The following NPHP3 variants were observed in gnomAD, a reference collection of about 807,000 sequenced individuals.
The protein encoded by NPHP3 is nephrocystin 3.
Under a neutral mutation model 171.9 loss-of-function variants are expected in NPHP3, and 123 were observed. That is an observed-to-expected ratio of 0.72 (90% CI 0.62 to 0.83). The LOEUF is 0.83. Among genes scored for constraint, NPHP3 ranks in the 40% least tolerant of loss-of-function variants. The pLI is 0.00. For missense variants in NPHP3, 1,506 were observed against 1,591.9 expected, an observed-to-expected ratio of 0.95 and a Z score of 0.92; for synonymous variants, 558 against 579.2, an observed-to-expected ratio of 0.96 and a Z score of 0.52.
intron 7 of NPHP3, 145 bp from the exon 8 acceptor site, chr3:132,705,959 G>C: frequency 1.8e-6 from 1 of 559,468 alleles, no homozygotes; most frequent in Non-Finnish European, 3.3e-6. Context: ...ACAACCTTAG[G>C]AGGGAGATAC....
In NPHP3 at chr3:132,681,675, C is replaced by A; in HGVS notation, c.*235G>T. 2 of 500,754 alleles carry A rather than the reference C, an allele frequency of 4.0e-6. No homozygotes were observed. Among genetic ancestry groups the A allele is most frequent in the Non-Finnish European group, 7.2e-6 (2 of 276,670 alleles). 31.0% of individuals were successfully genotyped at this position (500,754 alleles called of 1,614,324 possible). On this transcript the variant is annotated 3_prime_UTR_variant, in exon 27 of 27. Coordinates refer to ENST00000337331, the MANE Select transcript of NPHP3 (RefSeq NM_153240.5). Reference sequence around the variant, plus strand: ...TTGCTCCTCATGTCTTCTTATAATTCTAATGTGTCTACATCCTTGGATACC... The same window carrying A: ...TTGCTCCTCATGTCTTCTTATAATTATAATGTGTCTACATCCTTGGATACC...
chr3:132,717,812 C>T lies in NPHP3; in HGVS notation c.671-903G>A, dbSNP rs970673003. On this transcript the variant is annotated intron_variant, in intron 3 of 26. Transcript: ENST00000337331. ...CTGGCTCTGTTGCCACACTGGAGTGCGGTGGCGCGATCTTGGCTCACTGCA... is the reference window on the plus strand; with the variant it reads ...CTGGCTCTGTTGCCACACTGGAGTGTGGTGGCGCGATCTTGGCTCACTGCA... 5.0e-5 allele frequency: 7 copies of T among 140,414 alleles called. No individual in the cohort carries two copies. The East Asian group carries it at 7.7e-4, about 15-fold the overall frequency. The allele number at this position is 140,414 out of a possible 1,614,324, so 8.7% of individuals were successfully genotyped here.
At chr3:132,703,565 T>C (rs1473862758) in intron 9 of NPHP3, among the ~76,000 whole-genome samples, 2 of 150,630 alleles carry the variant, frequency 1.3e-5, no homozygotes, top group African/African-American at 4.9e-5. Flanking sequence ...TTTTTTTCTT[T>C]TCTTTCTTTC....
intron 13 of NPHP3, among the ~76,000 whole-genome samples, chr3:132,697,986 T>A (rs954915553): frequency 4.9e-5 from 7 of 142,996 alleles, no homozygotes; most frequent in African/African-American, 1.8e-4. Context: ...ATTGCTCTAC[T>A]TTTTTTTTTT....
chr3:132,699,584 T>G, intron 12 of NPHP3, 134 bp from the exon 13 acceptor site: 1 of 719,696 alleles, frequency 1.4e-6, no homozygotes, highest in Non-Finnish European at 2.3e-6. Context: ...TTGGGGTGAT[T>G]TATTTTAGAA....
In NPHP3 at chr3:132,715,168, A is replaced by C. The variant is rs748957414; in HGVS notation, c.874T>G (p.Ser292Ala). ...ACAGTGTTACTCCACAGAGAATGTG[A>C]AAACAGAGGAGTAACTTGTAATAAA... ...ASLLQVTPLF[S>A]HSLWSNTVRC... The change falls in exon 5 of 27, where the codon TCA becomes GCA. Residue 292 changes from serine to alanine, a missense_variant. Ser to Ala is a moderately conservative substitution (Grantham distance 99). Around this residue, in one of 3 missense-constraint regions of NPHP3, gnomAD observed 930 missense variants for 924.9 expected, o/e 1.01. Coordinates refer to ENST00000337331, the MANE Select transcript of NPHP3 (RefSeq NM_153240.5). 6.2e-7 allele frequency: 1 copy of C among 1,610,550 alleles called. No homozygotes were observed.
In NPHP3 at chr3:132,691,269, T is replaced by A; in HGVS notation, c.2493A>T (p.Arg831Ser). The change falls in exon 18 of 27, where the codon AGA (arginine) becomes AGT (serine). Residue 831 changes from arginine to serine, a missense_variant. Physicochemically the swap from Arg to Ser is moderately radical, Grantham distance 110. Around this residue, in one of 3 missense-constraint regions of NPHP3, gnomAD observed 569 missense variants for 648.1 expected, o/e 0.88. Transcript: ENST00000337331. ...FQHLQAWETV[R>S]LEYLEGPTVT... ...CAGTGGGGCCTTCCAGGTACTCCAA[T>A]CTCACTGTTTCCCAAGCCTAGGGAG... is the stretch of plus-strand genomic sequence containing the variant. The A allele has an allele frequency of 1.2e-6, 2 of 1,612,698 alleles. No individual in the cohort carries two copies. The highest frequency in any genetic ancestry group is 1.7e-6 in the Non-Finnish European group (2 of 1,178,854).
chr3:132,706,341 A>G (rs1202856452), intron 7 of NPHP3, among the ~76,000 whole-genome samples: 3 of 151,174 alleles, frequency 2.0e-5, no homozygotes, highest in African/African-American at 7.3e-5. Flanking sequence ...CCTGGAAGAC[A>G]GAGTAAGACT....
At chr3:132,686,085 G>C (rs1939154648) in intron 23 of NPHP3, 175 bp downstream of exon 23, 2 of 604,610 alleles carry the variant, frequency 3.3e-6, no homozygotes, top group Non-Finnish European at 5.8e-6. Context: ...AAACACAGTA[G>C]AGAAAATGCC....
chr3:132,686,136 A>G (rs1449959423), intron 23 of NPHP3, 124 bp downstream of exon 23: 15 of 937,274 alleles, frequency 1.6e-5, no homozygotes, highest in Non-Finnish European at 2.1e-5. Flanking sequence ...ATAACATCAT[A>G]CATGAAATTT....
Position 132,715,157 on chromosome 3 carries a change from C to A in NPHP3, c.885G>T (p.Leu295=). ...LQVTPLFSHS[L]WSNTVRCYLI... ...GGTAACATCTGACAGTGTTACTCCA[C>A]AGAGAATGTGAAAACAGAGGAGTAA... The change falls in exon 5 of 27, where the codon CTG becomes CTT. Residue 295 remains leucine (L), a synonymous_variant. Transcript: ENST00000337331. 4 of 1,610,764 alleles carry A rather than the reference C, an allele frequency of 2.5e-6. No homozygotes were observed. Among genetic ancestry groups the A allele is most frequent in the East Asian group, 2.2e-5 (1 of 44,774 alleles).
Position 132,719,046 on chromosome 3 carries a change from T to G in NPHP3, c.618A>C (p.Gln206His), listed in dbSNP as rs777828733. The change falls in exon 3 of 27, where the codon CAA (glutamine) becomes CAC (histidine). Residue 206 changes from glutamine to histidine, a missense_variant. Coordinates refer to ENST00000337331, the MANE Select transcript of NPHP3 (RefSeq NM_153240.5). ...AATCAGACTCCCCAGGATCAAATAC[T>G]TGGATACCCTGAGCCTGTAGCCTCT... ...KLQRLQAQGI[Q>H]VFDPGESDSD... 6.2e-7 allele frequency: 1 copy of G among 1,614,120 alleles called. No individual in the cohort carries two copies. The highest frequency in any genetic ancestry group is 1.7e-5 in the Admixed American group (1 of 60,020).
rs1281178184 is a variant in NPHP3 at position 132,722,195 on chromosome 3, C to T, written c.161G>A (p.Gly54Glu). The T allele has an allele frequency of 6.6e-7, 1 of 1,507,304 alleles. No individual in the cohort carries two copies. Among genetic ancestry groups the T allele is most frequent in the Non-Finnish European group, 8.8e-7 (1 of 1,136,688 alleles). The allele number at this position is 1,507,304 out of a possible 1,614,324, so 93.4% of individuals were successfully genotyped here. ...SFRRGAGAAA[G>E]AGPGSLPRGV... is the part of the protein sequence containing the mutation. Reference sequence around the variant, plus strand: ...GCGGGGCAGCGACCCGGGCCCGGCCCCTGCTGCCGCCCCCGCGCCTCGGCG... The same window carrying T: ...GCGGGGCAGCGACCCGGGCCCGGCCTCTGCTGCCGCCCCCGCGCCTCGGCG... Residue 54 changes from glycine (G) to glutamate (E), a missense_variant, in exon 1 of 27, where the codon GGG becomes GAG. Gly to Glu is a moderately conservative substitution (Grantham distance 98). This residue lies in a region of NPHP3 where 930 missense variants were observed against 924.9 expected (regional missense o/e 1.01). Coordinates refer to ENST00000337331, the MANE Select transcript of NPHP3 (RefSeq NM_153240.5).
Position 132,713,236 on chromosome 3 carries a change from GA to G in NPHP3, c.1007del (p.Phe336SerfsTer8). 1 of 1,601,214 alleles carries G rather than the reference GA, an allele frequency of 6.2e-7. No homozygotes were observed. ...CATCTATTGGAAAATAAACAGCATG[GA>G]AAAAATATCCCATTGTCTCGCACAT... The part of the protein sequence containing the change: ...KRMCETMGYF[F>X]HAVYFPIDVE... On this transcript the variant is annotated frameshift_variant, in exon 6 of 27. Transcript: ENST00000337331. LOFTEE classifies it high-confidence loss of function.
Position 132,688,873 on chromosome 3 carries a change from T to A in NPHP3, c.2902A>T (p.Arg968Trp), listed in dbSNP as rs765855144. ...GCTGTTTCTCGAATCTCTAAAGACCTCTGCAAAGGTACTATGGCCTGGGGG... is the reference window on the plus strand; with the variant it reads ...GCTGTTTCTCGAATCTCTAAAGACCACTGCAAAGGTACTATGGCCTGGGGG... Reference protein sequence around the residue: ...LLSQAIVPLQRSLEIRETALD... With the variant: ...LLSQAIVPLQWSLEIRETALD... Residue 968 changes from arginine to tryptophan, a missense_variant, in exon 21 of 27, where the codon AGG becomes TGG. Around this residue, in one of 3 missense-constraint regions of NPHP3, gnomAD observed 569 missense variants for 648.1 expected, o/e 0.88. Transcript: ENST00000337331. The A allele has an allele frequency of 2.5e-6, 4 of 1,614,060 alleles. No homozygotes were observed. Among genetic ancestry groups the A allele is most frequent in the Non-Finnish European group, 3.4e-6 (4 of 1,179,984 alleles).
chr3:132,694,787 G>A, intron 16 of NPHP3, 40 bp downstream of exon 16: 5 of 1,604,154 alleles, frequency 3.1e-6, no homozygotes, highest in Non-Finnish European at 3.4e-6. Context: ...CACACACAAA[G>A]CAAACTAACA....
In NPHP3 at chr3:132,701,539, A is replaced by C; in HGVS notation, c.1525-6T>G. On this transcript the variant is annotated splice_polypyrimidine_tract_variant and splice_region_variant and intron_variant, in intron 9 of 26. Coordinates refer to ENST00000337331, the MANE Select transcript of NPHP3 (RefSeq NM_153240.5). ...TCATTAAGGCGTTGGTAATACTAGA[A>C]AAAAAAATGAATTTACATTGTAAGG... 1 of 1,582,892 alleles carries C rather than the reference A, an allele frequency of 6.3e-7. No homozygotes were observed. The highest frequency in any genetic ancestry group is 8.7e-7 in the Non-Finnish European group (1 of 1,151,796).
Position 132,705,794 on chromosome 3 carries a change from A to T in NPHP3, c.1296T>A (p.Asp432Glu). 1 of 1,514,358 alleles carries T rather than the reference A, an allele frequency of 6.6e-7. No individual in the cohort carries two copies. Among genetic ancestry groups the T allele is most frequent in the Non-Finnish European group, 9.2e-7 (1 of 1,090,732 alleles). 93.8% of individuals were successfully genotyped at this position (1,514,358 alleles called of 1,614,324 possible). Residue 432 changes from aspartate to glutamate, a missense_variant, in exon 8 of 27, where the codon GAT becomes GAA. Asp to Glu is a conservative substitution (Grantham distance 45, BLOSUM62 2). This residue lies in a region of NPHP3 where 930 missense variants were observed against 924.9 expected (regional missense o/e 1.01). Coordinates refer to ENST00000337331, the MANE Select transcript of NPHP3 (RefSeq NM_153240.5). ...AAGTTTTATATACTCCTTCTGCAGG[A>T]TCTCCTGAGTGATCAATGATCTAGA... ...SKAKIIDHSG[D>E]PAEGVYKTYI...
Position 132,700,281 on chromosome 3 carries a change from C to T in NPHP3, c.1743+53G>A, listed in dbSNP as rs1164858597. The T allele has an allele frequency of 2.2e-6, 3 of 1,388,674 alleles. No individual in the cohort carries two copies. The Admixed American group carries it at 5.1e-5, about 24-fold the overall frequency. 86.0% of individuals were successfully genotyped at this position (1,388,674 alleles called of 1,614,324 possible). A position where few individuals can be genotyped will look rare whatever the true frequency, so the allele number is the denominator to read the frequency against. On this transcript the variant is annotated intron_variant, in intron 11 of 26. Coordinates refer to ENST00000337331, the MANE Select transcript of NPHP3 (RefSeq NM_153240.5). The stretch of plus-strand genomic sequence containing the variant: ...ACCAGTAGGTACTTATTAGTCCCAA[C>T]AATTTCTGAATCTAAATAAAATTCT...
Sources: allele counts gnomAD v4.1 joint callset (sites outside exome capture counted in the v4.1 genomes callset), GRCh38; gene constraint gnomAD v4.1.1; regional missense constraint gnomAD v4.1.1; transcripts MANE v1.5; gene names NCBI Gene and HGNC (gene_info 2026-07-23, HGNC 2026-07-21).